TCF7L2: variants seen among roughly 807,000 people sequenced by gnomAD.
TCF7L2 encodes transcription factor 7-like 2.
In TCF7L2, 23 loss-of-function variants were observed where a neutral mutation model predicts 77.9. The observed-to-expected ratio is 0.30, with a 90% CI of 0.21 to 0.42. The LOEUF (loss-of-function observed/expected upper bound fraction) is 0.42. Among genes scored for constraint, TCF7L2 ranks in the 10% least tolerant of loss-of-function variants. The probability of loss-of-function intolerance (pLI) is 1.00; values close to 1 mark genes in which losing one functional copy is unlikely to be tolerated. For synonymous variants in TCF7L2, 413 were observed against 340.2 expected (o/e 1.21, Z -2.36); for missense variants, 654 against 793.1 (o/e 0.82, Z 2.11).
chr10:113,012,650 G>C (rs1298854762), intron 4 of TCF7L2, among the ~76,000 whole-genome samples: 17 of 152,128 alleles, frequency 1.1e-4, no homozygotes, highest in Non-Finnish European at 2.5e-4. Flanking sequence ...GCTGCAGGAA[G>C]GCCTTTAACT....
At chr10:113,028,259 G>A (rs1333837788) in intron 4 of TCF7L2, among the ~76,000 whole-genome samples, 1 of 152,152 alleles carries the variant, frequency 6.6e-6, no homozygotes, top group Non-Finnish European at 1.5e-5. Context: ...ATTTGTTACA[G>A]CAAGATGATA....
At chr10:113,058,698 G>C (rs1376276706) in intron 5 of TCF7L2, among the ~76,000 whole-genome samples, 1 of 152,070 alleles carries the variant, frequency 6.6e-6, no homozygotes, top group Non-Finnish European at 1.5e-5. Flanking sequence ...CGTGAGCTGT[G>C]TGTGTGTGTG....
intron 4 of TCF7L2, among the ~76,000 whole-genome samples, chr10:113,025,544 TA>T (rs1190095839): frequency 1.3e-5 from 2 of 152,022 alleles, no homozygotes; most frequent in Non-Finnish European, 2.9e-5. Flanking sequence ...CAGCCTTGGC[TA>T]ATTTTTTATA....
chr10:113,157,585 G>A (rs1050884197), intron 11 of TCF7L2, among the ~76,000 whole-genome samples: 1 of 152,210 alleles, frequency 6.6e-6, no homozygotes, highest in African/African-American at 2.4e-5. Context: ...AGCAGGTCAG[G>A]CAGGGCAGCC....
chr10:112,993,380 CCTGTAGTCCCACCTACTCGAG>C (rs959073642), intron 4 of TCF7L2, among the ~76,000 whole-genome samples: 3 of 151,852 alleles, frequency 2.0e-5, no homozygotes, highest in Non-Finnish European at 4.4e-5. Context: ...GTCGTGGGCA[CCTGTAGTCCCACCTACTCGAG>C]AGGCTGAGGC....
intron 4 of TCF7L2, among the ~76,000 whole-genome samples, chr10:113,018,444 C>CTTTTTT (rs35916053): frequency 1.5e-4 from 14 of 92,546 alleles, no homozygotes; most frequent in African/African-American, 6.0e-4. Flanking sequence ...CTCCTGAGTC[C>CTTTTTT]TTTTTTTTTT....
At chr10:112,994,954 G>C (rs1403372107) in intron 4 of TCF7L2, among the ~76,000 whole-genome samples, 1 of 152,104 alleles carries the variant, frequency 6.6e-6, no homozygotes, top group Non-Finnish European at 1.5e-5. Context: ...ACAAAAATTA[G>C]CCAGGCCTGG....
At chr10:113,053,143 A>G (rs1385450213) in intron 5 of TCF7L2, among the ~76,000 whole-genome samples, 1 of 152,182 alleles carries the variant, frequency 6.6e-6, no homozygotes, top group Non-Finnish European at 1.5e-5. Flanking sequence ...GAGAGGCAGT[A>G]AGGACATACG....
chr10:113,163,202 A>G (rs1416440886), intron 13 of TCF7L2, among the ~76,000 whole-genome samples: 2 of 152,080 alleles, frequency 1.3e-5, no homozygotes, highest in Non-Finnish European at 2.9e-5. Context: ...CTTCCACGTC[A>G]TGAGGGTGGG....
intron 4 of TCF7L2, among the ~76,000 whole-genome samples, chr10:112,978,569 G>A (rs184934010): frequency 2.8e-4 from 42 of 150,986 alleles, no homozygotes; most frequent in African/African-American, 8.3e-4. Flanking sequence ...GGGTTCATGC[G>A]ATTCTCCTGC....
chr10:113,114,136 G>GT (rs2063457789), intron 5 of TCF7L2, among the ~76,000 whole-genome samples: 1 of 152,164 alleles, frequency 6.6e-6, no homozygotes, highest in Non-Finnish European at 1.5e-5. Flanking sequence ...AGCTCTCTTG[G>GT]TTAATATGTT....
At chr10:113,131,960 G>A (rs149887852) in intron 5 of TCF7L2, 12 of 152,264 alleles carry the variant, frequency 7.9e-5, no homozygotes, top group African/African-American at 2.7e-4. Context: ...CAGCAATTGT[G>A]TTTGCCCTCC....
At chr10:113,033,177 T>C (rs1056299845) in intron 4 of TCF7L2, among the ~76,000 whole-genome samples, 2 of 151,126 alleles carry the variant, frequency 1.3e-5, no homozygotes, top group Non-Finnish European at 2.9e-5. Flanking sequence ...TTTCCCTCCC[T>C]CCCTCCTTTC....
intron 5 of TCF7L2, among the ~76,000 whole-genome samples, chr10:113,086,399 G>T (rs970796824): frequency 2.0e-5 from 3 of 152,228 alleles, no homozygotes; most frequent in Admixed American, 2.0e-4. Context: ...CCAGTTCTGG[G>T]CTCTGCTTGC....
At chr10:113,093,171 G>A (rs148125282) in intron 5 of TCF7L2, among the ~76,000 whole-genome samples, 3 of 152,296 alleles carry the variant, frequency 2.0e-5, no homozygotes, top group East Asian at 3.9e-4. Context: ...ACTACTGTAC[G>A]AACTACTGTA....
intron 5 of TCF7L2, among the ~76,000 whole-genome samples, chr10:113,139,224 G>A (rs2067914533): frequency 1.3e-5 from 2 of 152,150 alleles, no homozygotes; most frequent in South Asian, 2.1e-4. Context: ...CATTTGCCCT[G>A]CCTCCTAACA....
intron 5 of TCF7L2, among the ~76,000 whole-genome samples, chr10:113,071,603 C>T (rs1304284617): frequency 2.0e-5 from 3 of 152,308 alleles, no homozygotes; most frequent in African/African-American, 7.2e-5. Flanking sequence ...TTCTGGGCAG[C>T]AGCTGTAGGG....
At chr10:113,117,261 C>T (rs939087540) in intron 5 of TCF7L2, among the ~76,000 whole-genome samples, 9 of 152,122 alleles carry the variant, frequency 5.9e-5, no homozygotes, top group Admixed American at 3.9e-4. Flanking sequence ...ATGTGGTACT[C>T]GCACTATGGA....
chr10:113,047,747 TG>T (rs1425939912), intron 5 of TCF7L2, among the ~76,000 whole-genome samples: 6 of 152,072 alleles, frequency 3.9e-5, no homozygotes, highest in Admixed American at 3.3e-4. Context: ...GTTATGTTTC[TG>T]GGAAAATGTA....
Sources: gnomAD v4.1 joint callset for allele counts (sites outside exome capture counted in the v4.1 genomes callset) on GRCh38, gnomAD v4.1.1 for gene constraint, MANE v1.5 for transcripts, NCBI Gene and HGNC (gene_info 2026-07-23, HGNC 2026-07-21) for gene names.